Variants in UBXN2A observed in about 807,000 individuals in gnomAD.
UBXN2A encodes the protein UBX domain-containing protein 2A.
UBXN2A carries 28 observed loss-of-function variants against 28.4 expected under a neutral mutation model. That is an observed-to-expected ratio of 0.99 (90% CI 0.73 to 1.35). The LOEUF (loss-of-function observed/expected upper bound fraction) is 1.35, where lower values mean the gene tolerates loss of function less well. Ranked by LOEUF, UBXN2A falls within the 40% of genes most tolerant of loss-of-function variation. The pLI is 0.00. For missense variants in UBXN2A, 253 were observed against 297.9 expected (o/e 0.85, Z 1.11); for synonymous variants, 97 against 103.6 (o/e 0.94, Z 0.39).
At chr2:23,996,386 C>T (rs901457506) in intron 6 of UBXN2A, among the ~76,000 whole-genome samples, 4 of 150,882 alleles carry the variant, frequency 2.7e-5, no homozygotes, top group Non-Finnish European at 5.9e-5. Flanking sequence ...TCTTTTTACA[C>T]TCTGCTGAAT....
At chr2:23,990,328 T>C (rs1241318117) in intron 6 of UBXN2A, among the ~76,000 whole-genome samples, 1 of 151,710 alleles carries the variant, frequency 6.6e-6, no homozygotes, top group Non-Finnish European at 1.5e-5. Context: ...CTCTTCCATA[T>C]GAATGCTTTT....
chr2:23,981,275 C>T (rs921791984), intron 4 of UBXN2A, among the ~76,000 whole-genome samples: 4 of 139,282 alleles, frequency 2.9e-5, no homozygotes, highest in Non-Finnish European at 6.1e-5. Context: ...TAAACCAGTC[C>T]GGCCAACATA....
chr2:23,971,273 T>G lies in UBXN2A; in HGVS notation c.42-3T>G, dbSNP rs1240046546. On this transcript the variant is annotated splice_polypyrimidine_tract_variant and splice_region_variant and intron_variant, in intron 2 of 6. Transcript: ENST00000309033. ...AGTGCCTGTTTTTCTTTATCTTGTT[T>G]AGGGTTTGTGAAACAGGATCTGATA... 3 of 1,551,378 alleles carry G rather than the reference T, an allele frequency of 1.9e-6. No individual in the cohort carries two copies. The highest frequency in any genetic ancestry group is 2.6e-6 in the Non-Finnish European group (3 of 1,138,796).
At chr2:23,956,346 A>C (rs1275922676) in intron 1 of UBXN2A, among the ~76,000 whole-genome samples, 1 of 151,084 alleles carries the variant, frequency 6.6e-6, no homozygotes, top group African/African-American at 2.4e-5. Context: ...TTTTCTTTTT[A>C]ATTTATTATT....
chr2:23,979,332 G>A (rs1036782378), intron 4 of UBXN2A, among the ~76,000 whole-genome samples: 2 of 151,498 alleles, frequency 1.3e-5, no homozygotes, highest in Admixed American at 6.6e-5. Flanking sequence ...GCGACAGAGC[G>A]AGACTCTGTC....
intron 1 of UBXN2A, among the ~76,000 whole-genome samples, chr2:23,956,820 C>T (rs1706651071): frequency 6.6e-6 from 1 of 152,182 alleles, no homozygotes. Flanking sequence ...TTGATGTGCT[C>T]ATTGCTTCTG....
At position 24,001,223 on chromosome 2, in the gene UBXN2A, C is replaced by T. The variant is rs1708719704; in HGVS notation, c.*1356C>T. 1 of 152,256 alleles carries T rather than the reference C, an allele frequency of 6.6e-6. No homozygotes were observed. The highest frequency in any genetic ancestry group is 3.1e-3 in the Middle Eastern group (1 of 318). The allele number at this position is 152,256 out of a possible 1,614,324, so 9.4% of individuals were successfully genotyped here. A position where few individuals can be genotyped will look rare whatever the true frequency, so the allele number is the denominator to read the frequency against. On this transcript the variant is annotated 3_prime_UTR_variant, in exon 7 of 7. Transcript: ENST00000309033. The stretch of plus-strand genomic sequence containing the variant: ...CAGGCTGGTCTCGAACTCCCGACCT[C>T]AGGGGATCTGCCTGCCTAGGCCTCC...
intron 4 of UBXN2A, among the ~76,000 whole-genome samples, chr2:23,979,695 A>G (rs1419342106): frequency 1.3e-5 from 2 of 151,994 alleles, no homozygotes; most frequent in Admixed American, 6.6e-5. Flanking sequence ...CCGCCTCCCA[A>G]ATAGCTGGAA....
At chr2:23,994,080 G>A in intron 6 of UBXN2A, among the ~76,000 whole-genome samples, 1 of 152,146 alleles carries the variant, frequency 6.6e-6, no homozygotes, top group East Asian at 1.9e-4. Context: ...CACTAGGCTA[G>A]AACTGTCAGG....
At chr2:23,984,199 G>A (rs1421811392) in intron 5 of UBXN2A, among the ~76,000 whole-genome samples, 1 of 152,042 alleles carries the variant, frequency 6.6e-6, no homozygotes, top group Non-Finnish European at 1.5e-5. Flanking sequence ...ATCAAGATTG[G>A]TAAGGTGCAT....
chr2:23,996,429 T>C (rs574644926), intron 6 of UBXN2A, among the ~76,000 whole-genome samples: 12 of 151,872 alleles, frequency 7.9e-5, no homozygotes, highest in Non-Finnish European at 4.4e-5. Flanking sequence ...TTCCTATTGT[T>C]GTTCAATTAT....
chr2:23,968,452 G>A (rs192481396), intron 2 of UBXN2A, among the ~76,000 whole-genome samples: 288 of 152,108 alleles, frequency 1.9e-3, no homozygotes, highest in Admixed American at 3.1e-3. Flanking sequence ...TGAGGCAGGC[G>A]GATCACGAGG....
chr2:23,939,369 A>C (rs761498172), upstream of UBXN2A, among the ~76,000 whole-genome samples: 17 of 152,180 alleles, frequency 1.1e-4, no homozygotes, highest in Admixed American at 3.9e-4. Context: ...AGAACTCTCC[A>C]ACCATGAGAT....
At position 23,999,919 on chromosome 2, in the gene UBXN2A, A is replaced by G. The variant is rs751342826; in HGVS notation, c.*52A>G. 6.4e-7 allele frequency: 1 copy of G among 1,574,776 alleles called. No homozygotes were observed. The highest frequency in any genetic ancestry group is 8.6e-7 in the Non-Finnish European group (1 of 1,158,132). On this transcript the variant is annotated 3_prime_UTR_variant, in exon 7 of 7. Transcript: ENST00000309033. ...GCAGAGAAATGATGGTTGTAAGTGGACATGCAAACCAAAATTGGGGATTGG... is the reference window on the plus strand; with the variant it reads ...GCAGAGAAATGATGGTTGTAAGTGGGCATGCAAACCAAAATTGGGGATTGG...
chr2:23,958,254 GCTTTTTACTTACTTT>G lies in UBXN2A; in HGVS notation c.-14-27_-14-13del, dbSNP rs1295212012. The G allele has an allele frequency of 7.8e-5, 118 of 1,506,308 alleles. 1 individual carries two copies. The highest frequency in any genetic ancestry group is 1.0e-4 in the Admixed American group (5 of 48,744). The allele number at this position is 1,506,308 out of a possible 1,614,324, so 93.3% of individuals were successfully genotyped here. A position where few individuals can be genotyped will look rare whatever the true frequency, so the allele number is the denominator to read the frequency against. On this transcript the variant is annotated intron_variant, in intron 1 of 6. Coordinates refer to ENST00000309033, the MANE Select transcript of UBXN2A (RefSeq NM_181713.4). ...GACTACATGGTAACTTACATATTAA[GCTTTTTACTTACTTT>G]CTTTTTACTTACTTTCTTTGTACTT...
upstream of UBXN2A, among the ~76,000 whole-genome samples, chr2:23,938,876 A>G (rs1705618463): frequency 6.6e-6 from 1 of 152,228 alleles, no homozygotes; most frequent in South Asian, 2.1e-4. Flanking sequence ...AAAAATCGGA[A>G]GAGCTCTCAC....
chr2:23,953,781 C>T (rs1706485093), intron 1 of UBXN2A, among the ~76,000 whole-genome samples: 1 of 152,106 alleles, frequency 6.6e-6, no homozygotes, highest in African/African-American at 2.4e-5. Context: ...CTTGTGATAT[C>T]ATCTGATTAT....
chr2:23,969,538 T>A (rs569026571), intron 2 of UBXN2A, among the ~76,000 whole-genome samples: 1 of 151,972 alleles, frequency 6.6e-6, no homozygotes, highest in South Asian at 2.1e-4. Flanking sequence ...AATTTTTGTA[T>A]TTTTTGTAGA....
chr2:23,964,304 A>G (rs2150849897), intron 2 of UBXN2A, among the ~76,000 whole-genome samples: 1 of 151,860 alleles, frequency 6.6e-6, no homozygotes, highest in East Asian at 1.9e-4. Context: ...TCTGCCTCCC[A>G]GGTTCAAGTG....
Sources: allele counts gnomAD v4.1 joint callset (sites outside exome capture counted in the v4.1 genomes callset), GRCh38; gene constraint gnomAD v4.1.1; transcripts MANE v1.5; gene names NCBI Gene and HGNC (gene_info 2026-07-23, HGNC 2026-07-21).